FAM227B: variants seen among roughly 807,000 people sequenced by gnomAD.
FAM227B encodes the protein family with sequence similarity 227 member B.
Under a neutral mutation model 73.8 loss-of-function variants are expected in FAM227B, and 88 were observed. That is an observed-to-expected ratio of 1.19 (90% CI 1.00 to 1.42). FAM227B has a LOEUF of 1.42. FAM227B is among the 40% of genes most tolerant of loss of function. The probability of loss-of-function intolerance (pLI) is 0.00; values close to 1 mark genes in which losing one functional copy is unlikely to be tolerated. For synonymous variants in FAM227B, 210 were observed against 190.5 expected (o/e 1.10, Z -0.84); for missense variants, 632 against 590.9 (o/e 1.07, Z -0.72).
rs573556256 is a variant in FAM227B at position 49,594,093 on chromosome 15, A to G, written c.106-4086T>C. On this transcript the variant is annotated intron_variant, in intron 3 of 15. Coordinates refer to ENST00000299338, the MANE Select transcript of FAM227B (RefSeq NM_152647.3). Reference sequence around the variant, plus strand: ...TCCACCATATCCACAACTATATTATATATAATTTTTTAATTTTGGCAATTC... The same window carrying G: ...TCCACCATATCCACAACTATATTATGTATAATTTTTTAATTTTGGCAATTC... Among the ~76,000 whole-genome samples, 45 of 151,898 alleles carry G rather than the reference A, an allele frequency of 3.0e-4. No individual in the cohort carries two copies. In the East Asian group the frequency reaches 8.5e-3, roughly 29 times the overall value.
chr15:49,535,036 T>C (rs2152244247), intron 10 of FAM227B, among the ~76,000 whole-genome samples: 1 of 150,816 alleles, frequency 6.6e-6, no homozygotes, highest in South Asian at 2.1e-4. Context: ...ACTAGAATAA[T>C]AAGAGCAAAT....
intron 9 of FAM227B, among the ~76,000 whole-genome samples, chr15:49,557,185 T>C (rs62021583): frequency 0.33 from 49,901 of 152,048 alleles, 8,980 homozygotes; most frequent in African/African-American, 0.46. Flanking sequence ...AGATATTCCT[T>C]CTGGCTGCAT....
chr15:49,582,897 A>T (rs895427570), intron 5 of FAM227B, among the ~76,000 whole-genome samples: 1 of 152,188 alleles, frequency 6.6e-6, no homozygotes, highest in African/African-American at 2.4e-5. Context: ...AAAAGGAATT[A>T]AGGCAGAAAT....
intron 13 of FAM227B, among the ~76,000 whole-genome samples, chr15:49,355,130 A>T (rs1177037235): frequency 6.6e-6 from 1 of 151,534 alleles, no homozygotes; most frequent in Admixed American, 6.6e-5. Flanking sequence ...TAAAACCACA[A>T]AGATGGGGAA....
intron 9 of FAM227B, among the ~76,000 whole-genome samples, chr15:49,546,529 A>C (rs1021867636): frequency 6.6e-6 from 1 of 152,162 alleles, no homozygotes; most frequent in Non-Finnish European, 1.5e-5. Flanking sequence ...CTGAGGAATC[A>C]CCACACTGAC....
intron 11 of FAM227B, among the ~76,000 whole-genome samples, chr15:49,385,060 C>A (rs2046795630): frequency 6.6e-6 from 1 of 151,898 alleles, no homozygotes. Flanking sequence ...GCATTTGAGT[C>A]TTCTCTGAAG....
intron 11 of FAM227B, among the ~76,000 whole-genome samples, chr15:49,430,236 G>A (rs904122255): frequency 1.3e-5 from 2 of 151,886 alleles, no homozygotes; most frequent in Non-Finnish European, 2.9e-5. Context: ...AATAGGTTCT[G>A]TACCACAGCC....
At chr15:49,448,660 C>T (rs1015919475) in intron 11 of FAM227B, among the ~76,000 whole-genome samples, 5 of 150,416 alleles carry the variant, frequency 3.3e-5, no homozygotes, top group African/African-American at 1.2e-4. Flanking sequence ...TTTTGATGAA[C>T]ATCCACATAT....
intron 11 of FAM227B, among the ~76,000 whole-genome samples, chr15:49,402,610 T>C (rs914435735): frequency 1.3e-5 from 2 of 152,216 alleles, no homozygotes; most frequent in East Asian, 1.9e-4. Flanking sequence ...ATAGGAATGA[T>C]AGCAATTTTT....
chr15:49,461,888 T>C (rs2053829743), intron 11 of FAM227B, among the ~76,000 whole-genome samples: 2 of 152,178 alleles, frequency 1.3e-5, no homozygotes, highest in African/African-American at 4.8e-5. Context: ...TTAAGACTGA[T>C]TATTGCCCAG....
At chr15:49,410,864 T>C (rs1198651814) in intron 11 of FAM227B, among the ~76,000 whole-genome samples, 3 of 151,966 alleles carry the variant, frequency 2.0e-5, no homozygotes, top group Admixed American at 6.6e-5. Flanking sequence ...CAAGACTAGA[T>C]TGAAAAAATG....
intron 11 of FAM227B, among the ~76,000 whole-genome samples, chr15:49,439,152 C>G (rs1171394796): frequency 1.3e-5 from 2 of 151,512 alleles, no homozygotes. Context: ...TGTTGGCAGG[C>G]CTCTGTTTCT....
chr15:49,399,164 G>T (rs991445672), intron 11 of FAM227B, among the ~76,000 whole-genome samples: 1 of 146,140 alleles, frequency 6.8e-6, no homozygotes, highest in South Asian at 2.4e-4. Flanking sequence ...TGATAAAGGG[G>T]ATATCACCAC....
intron 5 of FAM227B, among the ~76,000 whole-genome samples, chr15:49,582,622 C>G (rs527303444): frequency 6.6e-6 from 1 of 152,272 alleles, no homozygotes; most frequent in South Asian, 2.1e-4. Flanking sequence ...AGCACTGGGT[C>G]AAACGGACCT....
At chr15:49,527,159 T>A (rs1405289614) in intron 10 of FAM227B, among the ~76,000 whole-genome samples, 1 of 151,950 alleles carries the variant, frequency 6.6e-6, no homozygotes, top group Non-Finnish European at 1.5e-5. Context: ...GCAAACTGAT[T>A]CCAACAGCAC....
At chr15:49,406,636 T>C (rs2048531345) in intron 11 of FAM227B, among the ~76,000 whole-genome samples, 1 of 151,820 alleles carries the variant, frequency 6.6e-6, no homozygotes, top group African/African-American at 2.4e-5. Context: ...CAATGATGGT[T>C]AGTGGTGGGG....
rs2037758594 is a variant in FAM227B, at chr15:49,327,655, C to T, written c.*913G>A. On this transcript the variant is annotated 3_prime_UTR_variant, in exon 16 of 16. Coordinates refer to ENST00000299338, the MANE Select transcript of FAM227B (RefSeq NM_152647.3). ...GCTTGCTATACAACTCTTCAAGTGG[C>T]TACTTTATGGAATCAATATTACAGT... is the stretch of plus-strand genomic sequence containing the variant. 1 of 217,420 alleles carries T rather than the reference C, an allele frequency of 4.6e-6. No homozygotes were observed. Among genetic ancestry groups the T allele is most frequent in the East Asian group, 9.7e-5 (1 of 10,342 alleles). 13.5% of individuals were successfully genotyped at this position (217,420 alleles called of 1,614,324 possible).
intron 8 of FAM227B, among the ~76,000 whole-genome samples, chr15:49,570,677 T>C (rs889084860): frequency 3.3e-5 from 5 of 151,492 alleles, no homozygotes; most frequent in African/African-American, 4.8e-5. Context: ...TTCTATGAGA[T>C]TGACTTTTTT....
intron 11 of FAM227B, among the ~76,000 whole-genome samples, chr15:49,391,599 T>C (rs1278136937): frequency 2.6e-5 from 4 of 152,108 alleles, no homozygotes; most frequent in African/African-American, 4.8e-5. Flanking sequence ...GAGAGAGTAA[T>C]GCCCACAGGT....
Sources: gnomAD v4.1 joint callset for allele counts (sites outside exome capture counted in the v4.1 genomes callset) on GRCh38, gnomAD v4.1.1 for gene constraint, MANE v1.5 for transcripts, NCBI Gene and HGNC (gene_info 2026-07-23, HGNC 2026-07-21) for gene names.